TRIM50: variants seen among roughly 807,000 people sequenced by gnomAD.
TRIM50 encodes E3 ubiquitin-protein ligase TRIM50.
TRIM50 carries 34 observed loss-of-function variants against 44.9 expected under a neutral mutation model. The observed-to-expected ratio is 0.76, with a 90% CI of 0.58 to 1.01. The LOEUF is 1.01. Ranked by LOEUF, TRIM50 falls within the 50% of genes least tolerant of loss-of-function variation. The pLI is 0.00. For synonymous variants in TRIM50, 307 were observed against 291.1 expected, an observed-to-expected ratio of 1.05 and a Z score of -0.56; for missense variants, 633 against 663.7, an observed-to-expected ratio of 0.95 and a Z score of 0.51.
chr7:73,319,605 ACCG>A (rs1804444464), intron 3 of TRIM50, among the ~76,000 whole-genome samples: 4 of 152,218 alleles, frequency 2.6e-5, no homozygotes, highest in Non-Finnish European at 5.9e-5. Context: ...CAGGGCTGGT[ACCG>A]CCTGCCGCGC....
intron 5 of TRIM50, 150 bp from the exon 6 acceptor site, chr7:73,316,839 C>T (rs1456022046): frequency 2.5e-6 from 3 of 1,202,642 alleles, no homozygotes; most frequent in Non-Finnish European, 2.3e-6. Flanking sequence ...CCCTGCACAG[C>T]CCCTTCAGGG....
intron 2 of TRIM50, among the ~76,000 whole-genome samples, 182 bp downstream of exon 2, chr7:73,324,207 G>A (rs1804558991): frequency 6.6e-6 from 1 of 152,180 alleles, no homozygotes; most frequent in Admixed American, 6.5e-5. Context: ...TGTTCGTGTG[G>A]CTTCAATCCC....
In TRIM50 at chr7:73,313,593, C is replaced by A. The variant is rs1804288677; in HGVS notation, c.875-83G>T. ...CACAGAAGCTGATGGAGGCCCTGAA[C>A]TCCCCAAGGAGAGGGGCTGTGTCTT... On this transcript the variant is annotated intron_variant, in intron 6 of 6. Coordinates refer to ENST00000333149, the MANE Select transcript of TRIM50 (RefSeq NM_178125.3). The surrounding 1 kb of genome is among the most constrained non-coding windows in gnomAD (Gnocchi z 4.9). The A allele has an allele frequency of 3.0e-5, 36 of 1,213,922 alleles. No homozygotes were observed. In the South Asian group the frequency reaches 5.5e-4, roughly 19 times the overall value. 75.2% of individuals were successfully genotyped at this position (1,213,922 alleles called of 1,614,324 possible). A position where few individuals can be genotyped will look rare whatever the true frequency, so the allele number is the denominator to read the frequency against.
chr7:73,314,073 C>A (rs544844232), intron 6 of TRIM50: 9 of 313,012 alleles, frequency 2.9e-5, no homozygotes, highest in Non-Finnish European at 4.8e-5. Context: ...TGTGCTCCCC[C>A]CTGCCCGCCT....
Position 73,313,229 on chromosome 7 carries a change from G to GCC in TRIM50, c.1154_1155dup (p.Leu386GlyfsTer2). The GCC allele has an allele frequency of 6.3e-7, 1 of 1,594,336 alleles. No homozygotes were observed. Among genetic ancestry groups the GCC allele is most frequent in the Non-Finnish European group, 8.5e-7 (1 of 1,170,866 alleles). On this transcript the variant is annotated frameshift_variant, in exon 7 of 7. Transcript: ENST00000333149. LOFTEE classifies it high-confidence loss of function. This position sits in a 1 kb window ranked among gnomAD's most constrained non-coding sequence, Gnocchi z 4.9. The stretch of plus-strand genomic sequence containing the variant: ...ACCCGGCCCTCCTTCAGGCCGATCA[G>GCC]CCACACGCCGTGCTCGGGGGACCTG...
At chr7:73,318,004 GC>G (rs1804399820) in intron 5 of TRIM50, among the ~76,000 whole-genome samples, 1 of 152,130 alleles carries the variant, frequency 6.6e-6, no homozygotes, top group South Asian at 2.1e-4. Context: ...GAGTCCACAT[GC>G]CACTCCCCCT....
At chr7:73,316,424 C>T in intron 6 of TRIM50, 141 bp downstream of exon 6, 5 of 1,170,344 alleles carry the variant, frequency 4.3e-6, no homozygotes, top group Non-Finnish European at 5.8e-6. Context: ...TGTTCGGAAA[C>T]TCAGTCCCAT....
intron 2 of TRIM50, among the ~76,000 whole-genome samples, chr7:73,321,552 G>A (rs1804495939): frequency 6.6e-6 from 1 of 152,110 alleles, no homozygotes; most frequent in Non-Finnish European, 1.5e-5. Context: ...TCCCCAAGCT[G>A]ACATAAATGC....
In TRIM50 at chr7:73,313,444, G is replaced by A. The variant is rs201392313; in HGVS notation, c.941C>T (p.Thr314Met). Residue 314 changes from threonine (T) to methionine (M), a missense_variant, in exon 7 of 7, where the codon ACG becomes ATG. Thr to Met is a moderately conservative substitution (Grantham distance 81, BLOSUM62 -1). Coordinates refer to ENST00000333149, the MANE Select transcript of TRIM50 (RefSeq NM_178125.3). This position sits in a 1 kb window ranked among gnomAD's most constrained non-coding sequence, Gnocchi z 4.9. ...HPLLELSKGN[T>M]VVQCGLLAQR... ...GGCCAGAAGCCCGCACTGCACCACC[G>A]TGTTGCCCTTGGAGAGCTCCAGGAG... 47 of 1,559,184 alleles carry A rather than the reference G, an allele frequency of 3.0e-5. No individual in the cohort carries two copies. The East Asian group carries it at 9.0e-4, about 30-fold the overall frequency.
intron 6 of TRIM50, chr7:73,314,503 ACCTGTCCTT>A (rs1804313007): frequency 2.4e-5 from 9 of 377,374 alleles, no homozygotes; most frequent in South Asian, 2.0e-4. Flanking sequence ...CTAAGAGGCC[ACCTGTCCTT>A]GGAGCAGGAA....
intron 2 of TRIM50, among the ~76,000 whole-genome samples, chr7:73,322,729 G>A (rs1804525379): frequency 2.0e-5 from 3 of 152,116 alleles, no homozygotes; most frequent in Non-Finnish European, 2.9e-5. Flanking sequence ...TTTTAAGCCT[G>A]GTACCCCTTG....
chr7:73,320,025 T>G, intron 3 of TRIM50, 122 bp downstream of exon 3: 1 of 1,537,438 alleles, frequency 6.5e-7, no homozygotes, highest in Non-Finnish European at 9.0e-7. Flanking sequence ...GCCCTGGGAA[T>G]GCTTTGAGTT....
In TRIM50 at chr7:73,312,870, C is replaced by T; in HGVS notation, c.*51G>A. 2.1e-6 allele frequency: 3 copies of T among 1,417,886 alleles called. No individual in the cohort carries two copies. The highest frequency in any genetic ancestry group is 2.8e-6 in the Non-Finnish European group (3 of 1,072,774). The allele number at this position is 1,417,886 out of a possible 1,614,324, so 87.8% of individuals were successfully genotyped here. A position where few individuals can be genotyped will look rare whatever the true frequency, so the allele number is the denominator to read the frequency against. On this transcript the variant is annotated 3_prime_UTR_variant, in exon 7 of 7. Coordinates refer to ENST00000333149, the MANE Select transcript of TRIM50 (RefSeq NM_178125.3). ...GGGACCCAGCAGAAGCCCGCGAGTC[C>T]CCGGTGCCCCGCCGGGATGGGCCTG...
intron 4 of TRIM50, 25 bp downstream of exon 4, chr7:73,318,797 A>G: frequency 6.2e-7 from 1 of 1,613,630 alleles, no homozygotes; most frequent in Non-Finnish European, 8.5e-7. Context: ...GGGTATGGGG[A>G]TGGGACGCCT....
intron 6 of TRIM50, among the ~76,000 whole-genome samples, chr7:73,315,474 C>A (rs1489531991): frequency 6.6e-6 from 1 of 151,770 alleles, no homozygotes; most frequent in Non-Finnish European, 1.5e-5. Context: ...ATCCTCCTGC[C>A]TCAGCCTCCT....
At chr7:73,327,081 G>T (rs555488345) in intron 1 of TRIM50, among the ~76,000 whole-genome samples, 1 of 150,542 alleles carries the variant, frequency 6.6e-6, no homozygotes, top group African/African-American at 2.4e-5. Flanking sequence ...GTGAGCCACC[G>T]CGCCTGTCCT....
chr7:73,323,607 T>C (rs1489416163), intron 2 of TRIM50, among the ~76,000 whole-genome samples: 1 of 152,264 alleles, frequency 6.6e-6, no homozygotes, highest in Admixed American at 6.5e-5. Flanking sequence ...TGATGGCCTA[T>C]AAAGGCAGGA....
At chr7:73,316,745 C>T in intron 5 of TRIM50, 56 bp from the exon 6 acceptor site, 1 of 1,590,858 alleles carries the variant, frequency 6.3e-7, no homozygotes. Flanking sequence ...CCCACCCCAC[C>T]CCTCCATCCT....
intron 5 of TRIM50, among the ~76,000 whole-genome samples, chr7:73,318,145 G>T (rs1374522775): frequency 5.3e-5 from 8 of 152,084 alleles, no homozygotes. Context: ...TTTGTTTTCT[G>T]AGACAGGGTC....
Sources: gnomAD v4.1 joint callset for allele counts (sites outside exome capture counted in the v4.1 genomes callset) on GRCh38, gnomAD v4.1.1 for gene constraint, Gnocchi (gnomAD v3.1) non-coding constraint, MANE v1.5 for transcripts, NCBI Gene and HGNC (gene_info 2026-07-23, HGNC 2026-07-21) for gene names.